The following ZNF740 variants were observed in gnomAD, a reference collection of about 807,000 sequenced individuals.
ZNF740 encodes oriLyt TD-element-binding protein 7.
Under a neutral mutation model 24.8 loss-of-function variants are expected in ZNF740, and 14 were observed. The observed-to-expected ratio is 0.56, with a 90% CI of 0.37 to 0.88. ZNF740 has a LOEUF of 0.88. Ranked by LOEUF, ZNF740 falls within the 40% of genes least tolerant of loss-of-function variation. The pLI, the probability that ZNF740 is intolerant of heterozygous loss-of-function variation, is 0.00. For synonymous variants in ZNF740, 69 were observed against 84.0 expected (o/e 0.82, Z 0.98); for missense variants, 201 against 247.9 (o/e 0.81, Z 1.27).
In ZNF740 at chr12:53,189,172, G is replaced by A. The variant is rs753477102; in HGVS notation, c.*1582G>A. 3 of 152,022 alleles carry A rather than the reference G, an allele frequency of 2.0e-5. No homozygotes were observed. Among genetic ancestry groups the A allele is most frequent in the Non-Finnish European group, 4.4e-5 (3 of 67,980 alleles). 9.4% of individuals were successfully genotyped at this position (152,022 alleles called of 1,614,324 possible). A position where few individuals can be genotyped will look rare whatever the true frequency, so the allele number is the denominator to read the frequency against. The stretch of plus-strand genomic sequence containing the variant: ...GTTAGGATGTTTCTAACCCAAGCCA[G>A]GGCTTGTGAACATGAATTTTCTAAG... On this transcript the variant is annotated 3_prime_UTR_variant, in exon 7 of 7. Transcript: ENST00000416904.
intron 2 of ZNF740, among the ~76,000 whole-genome samples, chr12:53,183,555 G>A (rs1301171783): frequency 2.6e-4 from 40 of 152,122 alleles, no homozygotes; most frequent in Non-Finnish European, 4.4e-5. Context: ...TTTGAAGAAT[G>A]TAGCAGTTTT....
In ZNF740 at chr12:53,194,339, C is replaced by T. The variant is rs767087706; in HGVS notation, c.*6749C>T. The T allele has an allele frequency of 1.2e-6, 2 of 1,614,024 alleles. No homozygotes were observed. Among genetic ancestry groups the T allele is most frequent in the Non-Finnish European group, 1.7e-6 (2 of 1,179,960 alleles). ...AGTGTTCAAGGGTCACGGTGGAAGACAGGCTCTATGGGAAGAGAGCGAGTG... is the reference window on the plus strand; with the variant it reads ...AGTGTTCAAGGGTCACGGTGGAAGATAGGCTCTATGGGAAGAGAGCGAGTG... On this transcript the variant is annotated 3_prime_UTR_variant, in exon 7 of 7. Transcript: ENST00000416904.
chr12:53,182,126 T>C (rs1941668677), intron 2 of ZNF740, 134 bp downstream of exon 2: 1 of 1,303,806 alleles, frequency 7.7e-7, no homozygotes, highest in Non-Finnish European at 1.1e-6. Context: ...GGGGGAGATC[T>C]AGAGGAAGGA....
chr12:53,184,158 C>T (rs904481583), intron 2 of ZNF740, among the ~76,000 whole-genome samples: 139 of 115,432 alleles, frequency 1.2e-3, no homozygotes, highest in African/African-American at 5.1e-3. Context: ...TGTGCGCGCG[C>T]GCGCTCTGAA....
Position 53,187,858 on chromosome 12 carries a change from T to G in ZNF740, c.*268T>G. On this transcript the variant is annotated 3_prime_UTR_variant, in exon 7 of 7. Transcript: ENST00000416904. ...CTGGACCCTTGGCTGAGGTCATAGG[T>G]GGGGACTCAAGGTACAGGACCAAGA... The G allele has an allele frequency of 2.2e-6, 1 of 463,598 alleles. No individual in the cohort carries two copies. The highest frequency in any genetic ancestry group is 2.3e-5 in the South Asian group (1 of 43,092). 28.7% of individuals were successfully genotyped at this position (463,598 alleles called of 1,614,324 possible).
In ZNF740 at chr12:53,193,268, G is replaced by A. The variant is rs1942033641; in HGVS notation, c.*5678G>A. On this transcript the variant is annotated 3_prime_UTR_variant, in exon 7 of 7. Coordinates refer to ENST00000416904, the MANE Select transcript of ZNF740 (RefSeq NM_001004304.4). ...ACCCTTTCCACTGCACAGGGGCCCTGTGCCATTGGGAGCCCGGCACCCAGA... is the reference window on the plus strand; with the variant it reads ...ACCCTTTCCACTGCACAGGGGCCCTATGCCATTGGGAGCCCGGCACCCAGA... 1 of 1,613,888 alleles carries A rather than the reference G, an allele frequency of 6.2e-7. No individual in the cohort carries two copies. The highest frequency in any genetic ancestry group is 2.2e-5 in the East Asian group (1 of 44,872).
chr12:53,187,356 A>T (rs1941843286), intron 6 of ZNF740, 145 bp from the exon 7 acceptor site: 1 of 681,874 alleles, frequency 1.5e-6, no homozygotes, highest in African/African-American at 1.8e-5. Flanking sequence ...GAGAGCTTGG[A>T]TTCTCCACCA....
In ZNF740 at chr12:53,193,876, G is replaced by T. The variant is rs1230238250; in HGVS notation, c.*6286G>T. On this transcript the variant is annotated 3_prime_UTR_variant, in exon 7 of 7. Coordinates refer to ENST00000416904, the MANE Select transcript of ZNF740 (RefSeq NM_001004304.4). Reference sequence around the variant, plus strand: ...ATGGGGCTCTGGGAGGCAGTGGGTGGCTTGGAGAGAAACCCAGAAAGTCAC... The same window carrying T: ...ATGGGGCTCTGGGAGGCAGTGGGTGTCTTGGAGAGAAACCCAGAAAGTCAC... 1 of 1,613,390 alleles carries T rather than the reference G, an allele frequency of 6.2e-7. No homozygotes were observed. The highest frequency in any genetic ancestry group is 1.1e-5 in the South Asian group (1 of 91,024).
Position 53,193,315 on chromosome 12 carries a change from C to G in ZNF740, c.*5725C>G. The G allele has an allele frequency of 6.2e-7, 1 of 1,608,912 alleles. No homozygotes were observed. On this transcript the variant is annotated 3_prime_UTR_variant, in exon 7 of 7. Coordinates refer to ENST00000416904, the MANE Select transcript of ZNF740 (RefSeq NM_001004304.4). ...CAGATTCCAGGTCTGGGGAGGACAG[C>G]TCTGCCACAGAGCACTCACAGAGCC...
At chr12:53,184,831 G>C in intron 2 of ZNF740, 60 bp from the exon 3 acceptor site, 1 of 1,560,376 alleles carries the variant, frequency 6.4e-7, no homozygotes, top group Non-Finnish European at 8.7e-7. Context: ...ATAGAGGATG[G>C]CAGTCTGTTT....
chr12:53,194,039 C>A lies in ZNF740; in HGVS notation c.*6449C>A, dbSNP rs901902604. 3.0e-6 allele frequency: 4 copies of A among 1,319,014 alleles called. No homozygotes were observed. In the Admixed American group the frequency reaches 6.1e-5, roughly 20 times the overall value. The allele number at this position is 1,319,014 out of a possible 1,614,324, so 81.7% of individuals were successfully genotyped here. ...TAACACCCAACTCCTAGAAACATGC[C>A]TGAGGAAGCCACTCAGACTGCTCCA... is the stretch of plus-strand genomic sequence containing the variant. On this transcript the variant is annotated 3_prime_UTR_variant, in exon 7 of 7. Coordinates refer to ENST00000416904, the MANE Select transcript of ZNF740 (RefSeq NM_001004304.4).
chr12:53,189,907 G>A lies in ZNF740; in HGVS notation c.*2317G>A, dbSNP rs970154333. 6.6e-6 allele frequency: 1 copy of A among 152,128 alleles called. No individual in the cohort carries two copies. The highest frequency in any genetic ancestry group is 1.5e-5 in the Non-Finnish European group (1 of 68,030). 9.4% of individuals were successfully genotyped at this position (152,128 alleles called of 1,614,324 possible). A position where few individuals can be genotyped will look rare whatever the true frequency, so the allele number is the denominator to read the frequency against. On this transcript the variant is annotated 3_prime_UTR_variant, in exon 7 of 7. Transcript: ENST00000416904. The stretch of plus-strand genomic sequence containing the variant: ...TACAGCTAGTCTCTTTGGGATAGGG[G>A]TGTATGTGGAGAGATTCATGTAAGT...
In ZNF740 at chr12:53,193,549, G is replaced by C. The variant is rs1402710776; in HGVS notation, c.*5959G>C. 3.9e-6 allele frequency: 3 copies of C among 762,242 alleles called. No individual in the cohort carries two copies. Among genetic ancestry groups the C allele is most frequent in the African/African-American group, 3.5e-5 (2 of 56,550 alleles). The allele number at this position is 762,242 out of a possible 1,614,324, so 47.2% of individuals were successfully genotyped here. A position where few individuals can be genotyped will look rare whatever the true frequency, so the allele number is the denominator to read the frequency against. On this transcript the variant is annotated 3_prime_UTR_variant, in exon 7 of 7. Coordinates refer to ENST00000416904, the MANE Select transcript of ZNF740 (RefSeq NM_001004304.4). ...GGAGGGAGCCCCAGTCAGGGGGAGG[G>C]CCTGGACATACATGGGAAGCTTCAA...
chr12:53,186,252 G>A, intron 5 of ZNF740, 139 bp from the exon 6 acceptor site: 1 of 1,131,670 alleles, frequency 8.8e-7, no homozygotes, highest in Non-Finnish European at 1.3e-6. Context: ...ACTGAGACCA[G>A]CACCTTTGGG....
rs1322051300 is a variant in ZNF740 at position 53,184,154 on chromosome 12, C to CGCGCGCGCGT, written c.10-729_10-728insGTGCGCGCGC. On this transcript the variant is annotated intron_variant, in intron 2 of 6. Transcript: ENST00000416904. ...GTGTGTGTGTGTGTGTGTGTGTGCG[C>CGCGCGCGCGT]GCGCGCGCTCTGAAGCTAAGGGGTG... Among the ~76,000 whole-genome samples, 12 of 93,070 alleles carry CGCGCGCGCGT rather than the reference C, an allele frequency of 1.3e-4. 3 individuals are homozygous for CGCGCGCGCGT. Among genetic ancestry groups the CGCGCGCGCGT allele is most frequent in the African/African-American group, 6.6e-4 (11 of 16,592 alleles). The allele number at this position is 93,070 out of a possible 152,430, so 61.1% of individuals were successfully genotyped here.
chr12:53,192,497 G>T lies in ZNF740; in HGVS notation c.*4907G>T. ...GGCACAAGCTGTACTGCAGTTGGTG[G>T]CCAGTGGGCCAGTCCTGAAGGCCCC... On this transcript the variant is annotated 3_prime_UTR_variant, in exon 7 of 7. Coordinates refer to ENST00000416904, the MANE Select transcript of ZNF740 (RefSeq NM_001004304.4). 1 of 1,614,162 alleles carries T rather than the reference G, an allele frequency of 6.2e-7. No individual in the cohort carries two copies. The highest frequency in any genetic ancestry group is 1.1e-5 in the South Asian group (1 of 91,084).
chr12:53,192,057 A>G lies in ZNF740; in HGVS notation c.*4467A>G, dbSNP rs758434007. 2 of 1,601,498 alleles carry G rather than the reference A, an allele frequency of 1.2e-6. No homozygotes were observed. The highest frequency in any genetic ancestry group is 1.7e-6 in the Non-Finnish European group (2 of 1,172,730). ...AACCAGACACACTTGTGGGAGCTGG[A>G]GCATAGGGACAGATCATCAGTTGCT... On this transcript the variant is annotated 3_prime_UTR_variant, in exon 7 of 7. Transcript: ENST00000416904.
rs371713163 is a variant in ZNF740, at chr12:53,186,035, C to A, written c.331C>A (p.Arg111=). ...TTGTGAACACTGCTTTGGAGCCTTTCGGAGCAGTTACCACCTAAAGAGGCA... is the reference window on the plus strand; with the variant it reads ...TTGTGAACACTGCTTTGGAGCCTTTAGGAGCAGTTACCACCTAAAGAGGCA... ...FVCEHCFGAF[R]SSYHLKRHIL... The change falls in exon 5 of 7, where the codon CGG becomes AGG. Residue 111 remains arginine, a synonymous_variant. Transcript: ENST00000416904. 1 of 1,613,734 alleles carries A rather than the reference C, an allele frequency of 6.2e-7. No individual in the cohort carries two copies. The highest frequency in any genetic ancestry group is 8.5e-7 in the Non-Finnish European group (1 of 1,179,824).
In ZNF740 at chr12:53,191,470, G is replaced by A; in HGVS notation, c.*3880G>A. On this transcript the variant is annotated 3_prime_UTR_variant, in exon 7 of 7. Transcript: ENST00000416904. ...CGCCAGTGAATTAGTCCCCTACCAA[G>A]GTCTTACAGACCCACCCTTCCTCTC... 2 of 1,054,180 alleles carry A rather than the reference G, an allele frequency of 1.9e-6. No homozygotes were observed. Among genetic ancestry groups the A allele is most frequent in the South Asian group, 1.3e-5 (1 of 79,676 alleles). The allele number at this position is 1,054,180 out of a possible 1,614,324, so 65.3% of individuals were successfully genotyped here.
Sources: allele counts gnomAD v4.1 joint callset (sites outside exome capture counted in the v4.1 genomes callset), GRCh38; gene constraint gnomAD v4.1.1; transcripts MANE v1.5; gene names NCBI Gene and HGNC (gene_info 2026-07-23, HGNC 2026-07-21).